The following CDH19 variants were observed in gnomAD, a reference collection of about 807,000 sequenced individuals.
CDH19 encodes cadherin-19.
In CDH19, 67 loss-of-function variants were observed where a neutral mutation model predicts 64.2. The observed-to-expected ratio is 1.04, with a 90% CI of 0.86 to 1.28. CDH19 has a LOEUF of 1.28. Ranked by LOEUF, CDH19 falls within the 50% of genes most tolerant of loss-of-function variation. The pLI, the probability that CDH19 is intolerant of heterozygous loss-of-function variation, is 0.00. For missense variants in CDH19, 1,030 were observed against 929.0 expected, an observed-to-expected ratio of 1.11 and a Z score of -1.41; for synonymous variants, 346 against 319.3, an observed-to-expected ratio of 1.08 and a Z score of -0.89.
intron 1 of CDH19, among the ~76,000 whole-genome samples, chr18:66,599,097 ATTAAC>A (rs930750643): frequency 3.4e-4 from 52 of 152,250 alleles, no homozygotes; most frequent in African/African-American, 1.3e-3. Flanking sequence ...TTTTCTGCAT[ATTAAC>A]TTAAATTCAT....
At chr18:66,505,635 TC>T (rs71169148) in intron 11 of CDH19, among the ~76,000 whole-genome samples, 42,434 of 148,444 alleles carry the variant, frequency 0.29, 7,127 homozygotes, top group Non-Finnish European at 0.38. Flanking sequence ...AAAATCTGTT[TC>T]TTCTCAAATA....
At chr18:66,540,203 T>C (rs1379111479) in intron 7 of CDH19, among the ~76,000 whole-genome samples, 1 of 152,186 alleles carries the variant, frequency 6.6e-6, no homozygotes, top group Non-Finnish European at 1.5e-5. Context: ...TCACTGCTTG[T>C]GATCTAATCT....
At chr18:66,581,947 A>G (rs1941739) in intron 1 of CDH19, among the ~76,000 whole-genome samples, 23,022 of 152,074 alleles carry the variant, frequency 0.15, 1,871 homozygotes, top group South Asian at 0.25. Context: ...TAGGACTTAT[A>G]TTCAGTAATT....
chr18:66,578,399 T>C (rs1182980405), intron 1 of CDH19, among the ~76,000 whole-genome samples: 1 of 151,788 alleles, frequency 6.6e-6, no homozygotes, highest in African/African-American at 2.4e-5. Flanking sequence ...TTTCAACGGG[T>C]AAATGCAAAT....
At chr18:66,596,886 T>C (rs370985091) in intron 1 of CDH19, among the ~76,000 whole-genome samples, 6 of 150,318 alleles carry the variant, frequency 4.0e-5, no homozygotes, top group African/African-American at 1.2e-4. Flanking sequence ...ATCGAGACCA[T>C]CCCGGCTAAA....
At chr18:66,600,488 GTT>G (rs1989010965) in intron 1 of CDH19, among the ~76,000 whole-genome samples, 1 of 151,748 alleles carries the variant, frequency 6.6e-6, no homozygotes, top group Non-Finnish European at 1.5e-5. Flanking sequence ...ATATTTGTGA[GTT>G]AAGAATTGTA....
intron 9 of CDH19, among the ~76,000 whole-genome samples, chr18:66,525,522 T>G (rs1414127614): frequency 6.6e-6 from 1 of 152,218 alleles, no homozygotes; most frequent in Non-Finnish European, 1.5e-5. Flanking sequence ...ACCTACCCAG[T>G]GAATTTCAAA....
chr18:66,530,042 T>A, intron 8 of CDH19, 76 bp from the exon 9 acceptor site: 1 of 682,974 alleles, frequency 1.5e-6, no homozygotes, highest in Non-Finnish European at 2.2e-6. Flanking sequence ...TAAAATTACA[T>A]TAGAGGCTAC....
Position 66,568,481 on chromosome 18 carries a change from T to C in CDH19, c.425A>G (p.Asn142Ser), listed in dbSNP as rs528266054. The change falls in exon 3 of 12, where the codon AAT becomes AGT. Residue 142 changes from asparagine to serine, a missense_variant. Transcript: ENST00000262150. ...SEFVIKVSDI[N>S]DNEPKFLDEP... ...ATCTAGGAATTTTGGTTCATTGTCA[T>C]TGATATCCGAAACTTTGATGACAAA... 11 of 1,612,286 alleles carry C rather than the reference T, an allele frequency of 6.8e-6. No homozygotes were observed. Among genetic ancestry groups the C allele is most frequent in the East Asian group, 2.2e-5 (1 of 44,828 alleles).
intron 1 of CDH19, among the ~76,000 whole-genome samples, chr18:66,600,598 G>A (rs897585891): frequency 6.6e-6 from 1 of 151,812 alleles, no homozygotes; most frequent in Non-Finnish European, 1.5e-5. Flanking sequence ...TAAATTTCAT[G>A]TAAGTGGTTT....
chr18:66,566,924 C>A lies in CDH19; in HGVS notation c.490+1492G>T, dbSNP rs145270701. On this transcript the variant is annotated intron_variant, in intron 3 of 11. Transcript: ENST00000262150. The stretch of plus-strand genomic sequence containing the variant: ...TTGATGACTTCCATATTGATGTATA[C>A]AGCCCTGAGCACTCTGCTATGGATT... Among the ~76,000 whole-genome samples, 308 of 151,838 alleles carry A rather than the reference C, an allele frequency of 2.0e-3. 3 individuals are homozygous for A. Among genetic ancestry groups the A allele is most frequent in the Middle Eastern group, 0.017 (5 of 294 alleles).
chr18:66,585,470 G>T (rs1988550408), intron 1 of CDH19, among the ~76,000 whole-genome samples: 1 of 151,972 alleles, frequency 6.6e-6, no homozygotes, highest in South Asian at 2.1e-4. Flanking sequence ...TCGACCTCTG[G>T]TTGTCTCAGT....
At chr18:66,516,529 G>A (rs531162) in intron 9 of CDH19, among the ~76,000 whole-genome samples, 34,988 of 151,770 alleles carry the variant, frequency 0.23, 4,453 homozygotes, top group East Asian at 0.46. Flanking sequence ...GGTATGCTGA[G>A]CTCCAGAAGA....
intron 1 of CDH19, among the ~76,000 whole-genome samples, chr18:66,580,428 C>T (rs1988389946): frequency 6.6e-6 from 1 of 151,940 alleles, no homozygotes; most frequent in Non-Finnish European, 1.5e-5. Flanking sequence ...AATTACAAGG[C>T]AATGTCCCAT....
At chr18:66,563,952 A>G (rs1987813362) in intron 3 of CDH19, among the ~76,000 whole-genome samples, 1 of 151,936 alleles carries the variant, frequency 6.6e-6, no homozygotes, top group Non-Finnish European at 1.5e-5. Context: ...TAAATCAAAC[A>G]ATATTATATT....
At position 66,535,064 on chromosome 18, in the gene CDH19, C is replaced by T; in HGVS notation, c.1258G>A (p.Gly420Ser). 1 of 1,504,922 alleles carries T rather than the reference C, an allele frequency of 6.6e-7. No individual in the cohort carries two copies. The highest frequency in any genetic ancestry group is 9.0e-7 in the Non-Finnish European group (1 of 1,107,508). The allele number at this position is 1,504,922 out of a possible 1,614,324, so 93.2% of individuals were successfully genotyped here. Reference sequence around the variant, plus strand: ...AGTGAGTTACTTGTAGTGATTGTACCATTATCATTGATATTGAACACTTTG... The same window carrying T: ...AGTGAGTTACTTGTAGTGATTGTACTATTATCATTGATATTGAACACTTTG... ...RSKVFNINDN[G>S]TITTSNSLDR... Residue 420 changes from glycine (G) to serine (S), a missense_variant, in exon 8 of 12, where the codon GGT becomes AGT. Transcript: ENST00000262150.
At chr18:66,597,595 CAT>C (rs1988934650) in intron 1 of CDH19, among the ~76,000 whole-genome samples, 2 of 152,110 alleles carry the variant, frequency 1.3e-5, no homozygotes, top group Admixed American at 6.5e-5. Flanking sequence ...TTAAAATTGA[CAT>C]GTGGGACCTA....
intron 2 of CDH19, among the ~76,000 whole-genome samples, chr18:66,570,561 T>G (rs1449071811): frequency 2.6e-5 from 4 of 151,830 alleles, no homozygotes; most frequent in Non-Finnish European, 1.5e-5. Flanking sequence ...AGAGTTATCT[T>G]GAACGCAGCA....
chr18:66,550,145 C>T (rs1987287476), intron 5 of CDH19, among the ~76,000 whole-genome samples: 1 of 152,032 alleles, frequency 6.6e-6, no homozygotes, highest in Admixed American at 6.6e-5. Context: ...ATGATAATTA[C>T]TTATGCTTTC....
Sources: gnomAD v4.1 joint callset for allele counts (sites outside exome capture counted in the v4.1 genomes callset) on GRCh38, gnomAD v4.1.1 for gene constraint, MANE v1.5 for transcripts, NCBI Gene and HGNC (gene_info 2026-07-23, HGNC 2026-07-21) for gene names.